Variants in RBM19 observed in about 807,000 individuals in gnomAD.
The protein encoded by RBM19 is RNA binding motif protein 19, also known as probable RNA-binding protein 19.
In RBM19, 94 loss-of-function variants were observed where a neutral mutation model predicts 116.8. The ratio of observed to expected loss-of-function variants is 0.80; its 90% CI spans 0.68 to 0.95. The LOEUF (loss-of-function observed/expected upper bound fraction) is 0.95. Ranked by LOEUF, RBM19 falls within the 40% of genes least tolerant of loss-of-function variation. RBM19 has a pLI of 0.00. For missense variants in RBM19, 1,161 were observed against 1,220.7 expected (o/e 0.95, Z 0.73); for synonymous variants, 475 against 494.1 (o/e 0.96, Z 0.51).
At chr12:113,829,914 G>A (rs1052089086) in intron 23 of RBM19, among the ~76,000 whole-genome samples, 1 of 152,242 alleles carries the variant, frequency 6.6e-6, no homozygotes, top group East Asian at 1.9e-4. Flanking sequence ...GGGGCGAGCT[G>A]CAGGGACCAC....
intron 22 of RBM19, among the ~76,000 whole-genome samples, chr12:113,854,518 CT>C (rs1877720016): frequency 6.6e-6 from 1 of 152,140 alleles, no homozygotes; most frequent in Admixed American, 6.6e-5. Context: ...GGGGAAGGCT[CT>C]TTAAGAAATG....
intron 21 of RBM19, among the ~76,000 whole-genome samples, chr12:113,861,525 G>A (rs1424914885): frequency 1.7e-5 from 2 of 119,980 alleles, no homozygotes; most frequent in South Asian, 2.8e-4. Flanking sequence ...AAGGAGAGAA[G>A]GGGTCGGGGG....
At chr12:113,953,141 T>C (rs1206260275) in intron 7 of RBM19, among the ~76,000 whole-genome samples, 1 of 152,122 alleles carries the variant, frequency 6.6e-6, no homozygotes, top group East Asian at 1.9e-4. Context: ...CCAGAACAGA[T>C]AAAGACTTCA....
chr12:113,931,303 G>A (rs2135887394), intron 16 of RBM19, among the ~76,000 whole-genome samples: 1 of 152,120 alleles, frequency 6.6e-6, no homozygotes, highest in East Asian at 1.9e-4. Flanking sequence ...CCCCAGCATG[G>A]CATTCCAGGA....
Position 113,950,158 on chromosome 12 carries a change from A to G in RBM19, c.1001-4T>C. 6.2e-7 allele frequency: 1 copy of G among 1,604,198 alleles called. No individual in the cohort carries two copies. The highest frequency in any genetic ancestry group is 8.5e-7 in the Non-Finnish European group (1 of 1,171,338). On this transcript the variant is annotated splice_region_variant and splice_polypyrimidine_tract_variant and intron_variant, in intron 8 of 23. Transcript: ENST00000261741. The stretch of plus-strand genomic sequence containing the variant: ...CTGAAATCCACAAAGATGTATCCTG[A>G]CAGAGGACAATGACAGAGGTAAAAT...
intron 2 of RBM19, 131 bp from the exon 3 acceptor site, chr12:113,960,309 C>G: frequency 8.5e-7 from 1 of 1,170,312 alleles, no homozygotes; most frequent in Non-Finnish European, 1.2e-6. Flanking sequence ...AAGTAGATTA[C>G]ACGTCACCCC....
intron 22 of RBM19, among the ~76,000 whole-genome samples, chr12:113,850,609 C>A (rs1877368955): frequency 6.6e-6 from 1 of 152,134 alleles, no homozygotes; most frequent in South Asian, 2.1e-4. Context: ...CTGCAGCTTC[C>A]CTGGAGACAG....
chr12:113,899,666 T>A (rs1393452234), intron 21 of RBM19, among the ~76,000 whole-genome samples: 1 of 152,194 alleles, frequency 6.6e-6, no homozygotes, highest in Admixed American at 6.5e-5. Flanking sequence ...TAGTAAATAT[T>A]TGCTAAACCG....
At chr12:113,818,821 C>A (rs1484885326), downstream of RBM19, among the ~76,000 whole-genome samples, 1 of 152,178 alleles carries the variant, frequency 6.6e-6, no homozygotes. Context: ...CCTGTCCCTC[C>A]TCCAGGCCCC....
chr12:113,891,253 G>A (rs925872340), intron 21 of RBM19, among the ~76,000 whole-genome samples: 15 of 152,204 alleles, frequency 9.9e-5, no homozygotes, highest in African/African-American at 3.6e-4. Flanking sequence ...GTCCACAGGT[G>A]GGACGCTGGT....
At chr12:113,945,947 G>A (rs1870980327) in intron 12 of RBM19, 23 bp from the exon 13 acceptor site, 3 of 1,527,348 alleles carry the variant, frequency 2.0e-6, no homozygotes, top group South Asian at 2.2e-5. Context: ...GGCAGAACAG[G>A]GAGATCAGAC....
Position 113,946,430 on chromosome 12 carries a change from T to C in RBM19, c.1453A>G (p.Ser485Gly). The C allele has an allele frequency of 6.2e-7, 1 of 1,614,122 alleles. No homozygotes were observed. The highest frequency in any genetic ancestry group is 8.5e-7 in the Non-Finnish European group (1 of 1,180,008). Residue 485 changes from serine (S) to glycine (G), a missense_variant, in exon 12 of 24, where the codon AGC (serine) becomes GGC (glycine). Physicochemically the swap from Ser to Gly is moderately conservative, Grantham distance 56. Coordinates refer to ENST00000261741, the MANE Select transcript of RBM19 (RefSeq NM_016196.4). Reference sequence around the variant, plus strand: ...GATCCCAGGGCACTGGCATCCTCGCTGGCTTCCTTCTTGATGGTAGATGGT... The same window carrying C: ...GATCCCAGGGCACTGGCATCCTCGCCGGCTTCCTTCTTGATGGTAGATGGT... ...VLPSTIKKEASEDASALGSSS... is the reference protein window; with the variant it reads ...VLPSTIKKEAGEDASALGSSS...
At chr12:113,885,061 A>T (rs571247258) in intron 21 of RBM19, among the ~76,000 whole-genome samples, 5 of 152,372 alleles carry the variant, frequency 3.3e-5, no homozygotes, top group African/African-American at 1.2e-4. Flanking sequence ...ACAGTGATGC[A>T]TAATTCAGGT....
At chr12:113,877,332 T>G (rs1316049642) in intron 21 of RBM19, among the ~76,000 whole-genome samples, 1 of 152,140 alleles carries the variant, frequency 6.6e-6, no homozygotes, top group Non-Finnish European at 1.5e-5. Flanking sequence ...AAGCATTACC[T>G]GCTTGCCAAG....
In RBM19 at chr12:113,888,810, C is replaced by T. The variant is rs187758195; in HGVS notation, c.2558+26159G>A. The stretch of plus-strand genomic sequence containing the variant: ...AGGTAAAAACTTCAACCTCATGGGA[C>T]TATTGTGAGGACCAAAGGGATATTA... On this transcript the variant is annotated intron_variant, in intron 21 of 23. Coordinates refer to ENST00000261741, the MANE Select transcript of RBM19 (RefSeq NM_016196.4). Among the ~76,000 whole-genome samples, 35 of 152,308 alleles carry T rather than the reference C, an allele frequency of 2.3e-4. 2 individuals carry two copies. The East Asian group carries it at 4.4e-3, about 19-fold the overall frequency.
chr12:113,957,756 T>C, intron 6 of RBM19, 26 bp downstream of exon 6: 1 of 1,544,348 alleles, frequency 6.5e-7, no homozygotes, highest in East Asian at 2.3e-5. Flanking sequence ...ACCTCCTCCC[T>C]CATCACCTGC....
chr12:113,935,222 C>T (rs370882899), intron 16 of RBM19, among the ~76,000 whole-genome samples: 1 of 151,906 alleles, frequency 6.6e-6, no homozygotes, highest in Non-Finnish European at 1.5e-5. Context: ...CCCAAGGCTG[C>T]GGGAAGAGGC....
In RBM19 at chr12:113,898,158, C is replaced by T. The variant is rs1171295390; in HGVS notation, c.2558+16811G>A. Among the ~76,000 whole-genome samples the T allele has an allele frequency of 1.3e-5, 2 of 150,422 alleles. No homozygotes were observed. The highest frequency in any genetic ancestry group is 2.9e-5 in the Non-Finnish European group (2 of 67,922). ...TCTCTAATTAGGGTCTGCTGCCTCT[C>T]GGATACATTTGGGCATATATACCTG... is the stretch of plus-strand genomic sequence containing the variant. On this transcript the variant is annotated intron_variant, in intron 21 of 23. Transcript: ENST00000261741. The surrounding 1 kb of genome is among the most constrained non-coding windows in gnomAD (Gnocchi z 4.3).
At chr12:113,874,644 C>T (rs1034981758) in intron 21 of RBM19, among the ~76,000 whole-genome samples, 6 of 152,122 alleles carry the variant, frequency 3.9e-5, no homozygotes, top group African/African-American at 7.2e-5. Context: ...AGCTGGAGCC[C>T]GCCAGCCACT....
Sources: gnomAD v4.1 joint callset for allele counts (sites outside exome capture counted in the v4.1 genomes callset) on GRCh38, gnomAD v4.1.1 for gene constraint, Gnocchi (gnomAD v3.1) non-coding constraint, MANE v1.5 for transcripts, NCBI Gene and HGNC (gene_info 2026-07-23, HGNC 2026-07-21) for gene names.